Variants in ARHGAP45 observed in about 807,000 individuals in gnomAD.
ARHGAP45 encodes Rho GTPase activating protein 45, also known as rho GTPase-activating protein 45.
ARHGAP45 carries 56 observed loss-of-function variants against 116.1 expected under a neutral mutation model. The ratio of observed to expected loss-of-function variants is 0.48; its 90% confidence interval spans 0.39 to 0.60. The LOEUF (loss-of-function observed/expected upper bound fraction) is 0.60, where lower values mean the gene tolerates loss of function less well. Among genes scored for constraint, ARHGAP45 ranks in the 20% least tolerant of loss-of-function variants. ARHGAP45 has a pLI of 0.00. For missense variants in ARHGAP45, 1,622 were observed against 1,601.0 expected (o/e 1.01, Z -0.22); for synonymous variants, 866 against 701.7 (o/e 1.23, Z -3.70).
chr19:1,079,996 G>A lies in ARHGAP45; in HGVS notation c.1581G>A (p.Leu527=). The change falls in exon 13 of 23, where the codon CTG becomes CTA. Residue 527 remains leucine (L), a synonymous_variant. Coordinates refer to ENST00000313093, the MANE Select transcript of ARHGAP45 (RefSeq NM_012292.5). Reference sequence around the variant, plus strand: ...CGCTGCCCGTGCACTTCCAGATGCTGTGTGAGAGCAGCAAGCTGTATGACC... The same window carrying A: ...CGCTGCCCGTGCACTTCCAGATGCTATGTGAGAGCAGCAAGCTGTATGACC... The part of the protein sequence containing the change: ...TAPLPVHFQM[L]CESSKLYDPG... 6.2e-7 allele frequency: 1 copy of A among 1,612,964 alleles called. No individual in the cohort carries two copies. The highest frequency in any genetic ancestry group is 8.5e-7 in the Non-Finnish European group (1 of 1,179,918).
rs2043500091 is a variant in ARHGAP45 at position 1,083,307 on chromosome 19, A to G, written c.2909A>G (p.Tyr970Cys). 6.4e-7 allele frequency: 1 copy of G among 1,574,358 alleles called. No individual in the cohort carries two copies. The highest frequency in any genetic ancestry group is 8.6e-7 in the Non-Finnish European group (1 of 1,160,010). Reference sequence around the variant, plus strand: ...GTCATCGAGACTCTCATCGTCCACTACGGCCTGGTCTTCGAGGAGGAGCCG... The same window carrying G: ...GTCATCGAGACTCTCATCGTCCACTGCGGCCTGGTCTTCGAGGAGGAGCCG... ...ARVIETLIVH[Y>C]GLVFEEEPEE... Residue 970 changes from tyrosine to cysteine, a missense_variant, in exon 21 of 23, where the codon TAC (tyrosine) becomes TGC (cysteine). This residue lies in a region of ARHGAP45 where 1,334 missense variants were observed against 1,263.8 expected (regional missense o/e 1.06). Coordinates refer to ENST00000313093, the MANE Select transcript of ARHGAP45 (RefSeq NM_012292.5).
chr19:1,070,682 C>T (rs2043124017), intron 2 of ARHGAP45, among the ~76,000 whole-genome samples: 1 of 151,824 alleles, frequency 6.6e-6, no homozygotes, highest in South Asian at 2.1e-4. Context: ...GGGGTCTCCC[C>T]ATATTGCGCA....
chr19:1,078,310 AT>A (rs368544523), intron 11 of ARHGAP45, among the ~76,000 whole-genome samples: 2,937 of 150,802 alleles, frequency 0.019, 82 homozygotes, highest in African/African-American at 0.068. Flanking sequence ...CGCCTGGCTA[AT>A]TTTTTGTATT....
intron 10 of ARHGAP45, among the ~76,000 whole-genome samples, chr19:1,075,221 G>T (rs1244170335): frequency 6.8e-6 from 1 of 147,262 alleles, no homozygotes; most frequent in Non-Finnish European, 1.5e-5. Context: ...AAAGCGCCAT[G>T]CTCCTGCATG....
At chr19:1,077,755 T>A in intron 10 of ARHGAP45, 102 bp from the exon 11 acceptor site, 3 of 1,538,838 alleles carry the variant, frequency 1.9e-6, no homozygotes, top group Non-Finnish European at 2.6e-6. Flanking sequence ...CCATGGGGCC[T>A]TGCTGAGAGA....
intron 22 of ARHGAP45, among the ~76,000 whole-genome samples, chr19:1,085,415 C>T (rs1259083133): frequency 6.6e-6 from 1 of 152,016 alleles, no homozygotes; most frequent in Non-Finnish European, 1.5e-5. Flanking sequence ...GAGCCAGACC[C>T]TATCAACACC....
chr19:1,078,117 C>A lies in ARHGAP45; in HGVS notation c.1374+72C>A, dbSNP rs573780218. The A allele has an allele frequency of 2.0e-6, 3 of 1,474,252 alleles. No individual in the cohort carries two copies. The African/African-American group carries it at 4.4e-5, about 22-fold the overall frequency. 91.3% of individuals were successfully genotyped at this position (1,474,252 alleles called of 1,614,324 possible). On this transcript the variant is annotated intron_variant, in intron 11 of 22. Coordinates refer to ENST00000313093, the MANE Select transcript of ARHGAP45 (RefSeq NM_012292.5). The stretch of plus-strand genomic sequence containing the variant: ...CCAATGCTTGGTGTGACATTTACTA[C>A]CTCCAGACCTTTGTTTTTGTTTTTT...
At chr19:1,078,368 C>T (rs1010932347) in intron 11 of ARHGAP45, among the ~76,000 whole-genome samples, 2 of 152,048 alleles carry the variant, frequency 1.3e-5, no homozygotes, top group African/African-American at 4.8e-5. Flanking sequence ...TGGTCTCGAT[C>T]TCCTGACCTC....
chr19:1,077,771 G>C (rs867461161), intron 10 of ARHGAP45, 86 bp from the exon 11 acceptor site: 2 of 1,544,654 alleles, frequency 1.3e-6, no homozygotes, highest in Middle Eastern at 1.7e-4. Context: ...AGAGAGATGG[G>C]GGTGGGGAGG....
chr19:1,069,655 G>A lies in ARHGAP45; in HGVS notation c.421+911G>A, dbSNP rs1247938057. Reference sequence around the variant, plus strand: ...CCCACTGGGAGGAGTGGGAGCCCCCGGGTTATCTGGTCCCAGGGGCGGGGG... The same window carrying A: ...CCCACTGGGAGGAGTGGGAGCCCCCAGGTTATCTGGTCCCAGGGGCGGGGG... On this transcript the variant is annotated intron_variant, in intron 2 of 22. Coordinates refer to ENST00000313093, the MANE Select transcript of ARHGAP45 (RefSeq NM_012292.5). The surrounding 1 kb of genome is among the most constrained non-coding windows in gnomAD (Gnocchi z 4.1). 2.6e-5 allele frequency among the ~76,000 whole-genome samples: 4 copies of A among 152,146 alleles called. No individual in the cohort carries two copies. Among genetic ancestry groups the A allele is most frequent in the Admixed American group, 6.5e-5 (1 of 15,278 alleles).
intron 11 of ARHGAP45, among the ~76,000 whole-genome samples, chr19:1,079,356 T>G (rs922207081): frequency 6.7e-6 from 1 of 150,116 alleles, no homozygotes; most frequent in African/African-American, 2.5e-5. Context: ...TTACAAAAAA[T>G]TAACCGGGTA....
rs1260924575 is a variant in ARHGAP45, at chr19:1,079,832, A to G, written c.1504A>G (p.Ile502Val). ...GGTCATCCGGCAGAGCGACCAAACCATCAAGTCGGTGCGTGGGGTGCTCCG... is the reference window on the plus strand; with the variant it reads ...GGTCATCCGGCAGAGCGACCAAACCGTCAAGTCGGTGCGTGGGGTGCTCCG... ...QEVIRQSDQT[I>V]KSATISYYQM... Residue 502 changes from isoleucine (I) to valine (V), a missense_variant, in exon 12 of 23, where the codon ATC (isoleucine) becomes GTC (valine). This residue lies in a region of ARHGAP45 where 1,334 missense variants were observed against 1,263.8 expected (regional missense o/e 1.06). Coordinates refer to ENST00000313093, the MANE Select transcript of ARHGAP45 (RefSeq NM_012292.5). 1 of 1,605,562 alleles carries G rather than the reference A, an allele frequency of 6.2e-7. No homozygotes were observed. The highest frequency in any genetic ancestry group is 2.2e-5 in the East Asian group (1 of 44,674).
At chr19:1,079,639 G>T (rs1050979479) in intron 11 of ARHGAP45, 64 bp from the exon 12 acceptor site, 2 of 1,572,826 alleles carry the variant, frequency 1.3e-6, no homozygotes, top group Non-Finnish European at 1.7e-6. Flanking sequence ...CCTCCCTGAG[G>T]TTTCTGTCTG....
Position 1,068,647 on chromosome 19 carries a change from C to G in ARHGAP45, c.324C>G (p.Ala108=), listed in dbSNP as rs141406247. 2 of 1,612,420 alleles carry G rather than the reference C, an allele frequency of 1.2e-6. No individual in the cohort carries two copies. The highest frequency in any genetic ancestry group is 2.2e-5 in the East Asian group (1 of 44,892). ...ASPGELPTEG[A]GPDVVEDISH... is the part of the protein sequence containing the mutation. ...CGGGCGAGCTGCCCACCGAGGGTGC[C>G]GGCCCGGACGTCGTCGAGGACATCT... The change falls in exon 2 of 23, where the codon GCC becomes GCG. Residue 108 remains alanine, a synonymous_variant. Coordinates refer to ENST00000313093, the MANE Select transcript of ARHGAP45 (RefSeq NM_012292.5). The surrounding 1 kb of genome is among the most constrained non-coding windows in gnomAD (Gnocchi z 7.5).
rs765862329 is a variant in ARHGAP45 at position 1,067,606 on chromosome 19, T to C, written c.90+111T>C. The stretch of plus-strand genomic sequence containing the variant: ...GCGGCGGCTGGGGGCTCGTGCCAGC[T>C]ACAGCCCCTACCGGGCGGGACGGCA... On this transcript the variant is annotated intron_variant, in intron 1 of 22. Coordinates refer to ENST00000313093, the MANE Select transcript of ARHGAP45 (RefSeq NM_012292.5). 13 of 1,040,716 alleles carry C rather than the reference T, an allele frequency of 1.2e-5. No homozygotes were observed. The South Asian group carries it at 1.8e-4, about 14-fold the overall frequency. The allele number at this position is 1,040,716 out of a possible 1,614,324, so 64.5% of individuals were successfully genotyped here.
Position 1,068,197 on chromosome 19 carries a change from G to C in ARHGAP45, c.91-217G>C, listed in dbSNP as rs928250435. 2 of 551,244 alleles carry C rather than the reference G, an allele frequency of 3.6e-6. No homozygotes were observed. The highest frequency in any genetic ancestry group is 6.3e-6 in the Non-Finnish European group (2 of 320,000). The allele number at this position is 551,244 out of a possible 1,614,324, so 34.1% of individuals were successfully genotyped here. A position where few individuals can be genotyped will look rare whatever the true frequency, so the allele number is the denominator to read the frequency against. On this transcript the variant is annotated intron_variant, in intron 1 of 22. Coordinates refer to ENST00000313093, the MANE Select transcript of ARHGAP45 (RefSeq NM_012292.5). This position sits in a 1 kb window ranked among gnomAD's most constrained non-coding sequence, Gnocchi z 7.5. ...AGGCCCCGCCCCGGCTGTGGTTTGG[G>C]CAAGGACCGTTGTTTGTGAAAGCTC...
At position 1,086,107 on chromosome 19, in the gene ARHGAP45, G is replaced by T. The variant is rs1381392592; in HGVS notation, c.*101G>T. 1 of 1,137,032 alleles carries T rather than the reference G, an allele frequency of 8.8e-7. No individual in the cohort carries two copies. Among genetic ancestry groups the T allele is most frequent in the Non-Finnish European group, 1.2e-6 (1 of 801,978 alleles). 70.4% of individuals were successfully genotyped at this position (1,137,032 alleles called of 1,614,324 possible). On this transcript the variant is annotated 3_prime_UTR_variant, in exon 23 of 23. Coordinates refer to ENST00000313093, the MANE Select transcript of ARHGAP45 (RefSeq NM_012292.5). ...GGCATAGCTTAGGTGCGCCGTCCTG[G>T]GGTCGCTGCCGAGAGCGCCTGGACT...
intron 8 of ARHGAP45, 27 bp from the exon 9 acceptor site, chr19:1,074,587 C>G (rs933757344): frequency 6.6e-7 from 1 of 1,523,500 alleles, no homozygotes; most frequent in African/African-American, 1.4e-5. Context: ...TCCCTCCCCA[C>G]CCAGTGAGCC....
intron 10 of ARHGAP45, 152 bp downstream of exon 10, chr19:1,075,031 C>CCCG: frequency 2.1e-6 from 1 of 487,456 alleles, no homozygotes; most frequent in African/African-American, 2.2e-5. Flanking sequence ...TGGGCCGCCC[C>CCCG]CCCCAACGCC....
Sources: gnomAD v4.1 joint callset for allele counts (sites outside exome capture counted in the v4.1 genomes callset) on GRCh38, gnomAD v4.1.1 for gene constraint, gnomAD v4.1.1 regional missense constraint, Gnocchi (gnomAD v3.1) non-coding constraint, MANE v1.5 for transcripts, NCBI Gene and HGNC (gene_info 2026-07-23, HGNC 2026-07-21) for gene names.